CD226: variants seen among roughly 807,000 people sequenced by gnomAD.
The protein encoded by CD226 is CD226 molecule, also known as CD226 antigen.
Under a neutral mutation model 34.9 loss-of-function variants are expected in CD226, and 24 were observed. That is an observed-to-expected ratio of 0.69 (90% confidence interval 0.50 to 0.97). The LOEUF (loss-of-function observed/expected upper bound fraction) is 0.97, where lower values mean the gene tolerates loss of function less well. Among genes scored for constraint, CD226 ranks in the 50% least tolerant of loss-of-function variants. CD226 has a pLI of 0.00. For missense variants in CD226, 397 were observed against 412.7 expected, an observed-to-expected ratio of 0.96 and a Z score of 0.33; for synonymous variants, 148 against 147.4, an observed-to-expected ratio of 1.00 and a Z score of -0.03.
At chr18:69,879,156 G>T (rs1256807320) in intron 3 of CD226, among the ~76,000 whole-genome samples, 1 of 152,100 alleles carries the variant, frequency 6.6e-6, no homozygotes, top group African/African-American at 2.4e-5. Flanking sequence ...CACAGGATGG[G>T]GTGAAATTAA....
chr18:69,856,194 T>C lies in CD226; in HGVS notation c.*8120A>G, dbSNP rs1463973868. 5 of 152,078 alleles carry C rather than the reference T, an allele frequency of 3.3e-5. No homozygotes were observed. Among genetic ancestry groups the C allele is most frequent in the Admixed American group, 6.5e-5 (1 of 15,268 alleles). The allele number at this position is 152,078 out of a possible 1,614,324, so 9.4% of individuals were successfully genotyped here. A position where few individuals can be genotyped will look rare whatever the true frequency, so the allele number is the denominator to read the frequency against. On this transcript the variant is annotated 3_prime_UTR_variant, in exon 6 of 6. Transcript: ENST00000582621. ...AAAGCAGACAGAACAAGAAAGATTA[T>C]CAAGAATAAAAGGGACATTACATGT...
intron 2 of CD226, among the ~76,000 whole-genome samples, chr18:69,916,294 C>CA (rs1169831446): frequency 6.6e-6 from 1 of 152,092 alleles, no homozygotes; most frequent in Non-Finnish European, 1.5e-5. Flanking sequence ...AGTAACAAGA[C>CA]AAAACCAATT....
chr18:69,936,429 T>C (rs1489438457), intron 2 of CD226, among the ~76,000 whole-genome samples: 1 of 152,202 alleles, frequency 6.6e-6, no homozygotes, highest in Admixed American at 6.5e-5. Context: ...GCAGTGACCA[T>C]AACCTTGCTT....
At chr18:69,869,475 C>T (rs143039121) in intron 4 of CD226, among the ~76,000 whole-genome samples, 54 of 152,082 alleles carry the variant, frequency 3.6e-4, no homozygotes, top group African/African-American at 9.4e-4. Context: ...GACACATAGA[C>T]GGGAACAACA....
At chr18:69,872,679 A>G (rs1983608565) in intron 4 of CD226, among the ~76,000 whole-genome samples, 1 of 152,196 alleles carries the variant, frequency 6.6e-6, no homozygotes, top group South Asian at 2.1e-4. Flanking sequence ...ATATACAACT[A>G]TTTGAAATTA....
intron 2 of CD226, among the ~76,000 whole-genome samples, chr18:69,906,210 T>A (rs2055250777): frequency 6.6e-6 from 1 of 152,120 alleles, no homozygotes; most frequent in Admixed American, 6.5e-5. Context: ...CTGCACACCC[T>A]CACAATGTAC....
rs1982717701 is a variant in CD226, at chr18:69,859,631, T to C, written c.*4683A>G. 1 of 151,094 alleles carries C rather than the reference T, an allele frequency of 6.6e-6. No individual in the cohort carries two copies. 9.4% of individuals were successfully genotyped at this position (151,094 alleles called of 1,614,324 possible). A position where few individuals can be genotyped will look rare whatever the true frequency, so the allele number is the denominator to read the frequency against. On this transcript the variant is annotated 3_prime_UTR_variant, in exon 6 of 6. Coordinates refer to ENST00000582621, the MANE Select transcript of CD226 (RefSeq NM_001303618.2). ...TTCAGAAAAGTGAACATAAATAAAA[T>C]AATGAGTTAGAAGTAGTAAAATTTG...
intron 2 of CD226, among the ~76,000 whole-genome samples, chr18:69,945,982 G>T (rs114918928): frequency 2.0e-5 from 3 of 151,668 alleles, no homozygotes; most frequent in African/African-American, 7.3e-5. Context: ...AGACTTGCCC[G>T]CACGATTCAA....
At chr18:69,896,336 C>T (rs1321809581) in intron 2 of CD226, among the ~76,000 whole-genome samples, 3 of 152,028 alleles carry the variant, frequency 2.0e-5, no homozygotes, top group Non-Finnish European at 2.9e-5. Context: ...CGCCCGCCAC[C>T]GCGCCCGGCT....
intron 2 of CD226, among the ~76,000 whole-genome samples, chr18:69,897,707 G>A (rs1210055104): frequency 6.6e-6 from 1 of 152,082 alleles, no homozygotes; most frequent in Non-Finnish European, 1.5e-5. Context: ...AAAAAGGAAG[G>A]AAAGGAGACA....
chr18:69,866,410 T>C (rs1340586541), intron 5 of CD226, among the ~76,000 whole-genome samples: 1 of 152,148 alleles, frequency 6.6e-6, no homozygotes, highest in African/African-American at 2.4e-5. Context: ...TTCTAGTCTT[T>C]TAGTTAAACA....
At chr18:69,923,172 AAG>A (rs970217206) in intron 2 of CD226, among the ~76,000 whole-genome samples, 3 of 151,018 alleles carry the variant, frequency 2.0e-5, no homozygotes, top group East Asian at 3.9e-4. Context: ...GAAAGAGAAA[AAG>A]AGAGAAAGAA....
intron 2 of CD226, among the ~76,000 whole-genome samples, chr18:69,934,298 ACACACACACACACG>A (rs927678466): frequency 1.3e-5 from 2 of 151,886 alleles, no homozygotes; most frequent in African/African-American, 4.9e-5. Context: ...ACACACACAC[ACACACACACACACG>A]CACGCACACC....
In CD226 at chr18:69,855,029, T is replaced by C. The variant is rs1013902643; in HGVS notation, c.*9285A>G. ...ATAACAGACTTTAAACACAGTCTAA[T>C]AGTTAGTCAGATTAAGATAAGTCTG... On this transcript the variant is annotated 3_prime_UTR_variant, in exon 6 of 6. Transcript: ENST00000582621. The C allele has an allele frequency of 3.3e-5, 5 of 152,200 alleles. No individual in the cohort carries two copies. Among genetic ancestry groups the C allele is most frequent in the African/African-American group, 4.8e-5 (2 of 41,448 alleles). The allele number at this position is 152,200 out of a possible 1,614,324, so 9.4% of individuals were successfully genotyped here.
chr18:69,900,632 T>C (rs558123756), intron 2 of CD226, among the ~76,000 whole-genome samples: 1,862 of 148,230 alleles, frequency 0.013, 40 homozygotes, highest in African/African-American at 0.042. Flanking sequence ...CTCGGGAGGC[T>C]GAGGCAGGAG....
chr18:69,959,975 G>A (rs1302489160), upstream of CD226, among the ~76,000 whole-genome samples: 2 of 152,140 alleles, frequency 1.3e-5, no homozygotes, highest in Non-Finnish European at 2.9e-5. Context: ...GGCTGGGCAC[G>A]GTGGTTCACA....
chr18:69,896,312 G>C (rs1416303729), intron 2 of CD226: 1 of 250,464 alleles, frequency 4.0e-6, no homozygotes, highest in South Asian at 1.5e-4. Context: ...CTCCTGAGTA[G>C]CTGGGACTAT....
chr18:69,933,447 A>G (rs1874046673), intron 2 of CD226, among the ~76,000 whole-genome samples: 2 of 152,082 alleles, frequency 1.3e-5, no homozygotes. Context: ...CATTCATCCA[A>G]ATTACACCTA....
intron 1 of CD226, 52 bp downstream of exon 1, chr18:69,947,308 CA>C (rs2055805878): frequency 8.0e-7 from 1 of 1,246,796 alleles, no homozygotes; most frequent in South Asian, 1.3e-5. Flanking sequence ...CCACACTGTA[CA>C]AACAAAAACA....
Sources: gnomAD v4.1 joint callset for allele counts (sites outside exome capture counted in the v4.1 genomes callset) on GRCh38, gnomAD v4.1.1 for gene constraint, MANE v1.5 for transcripts, NCBI Gene and HGNC (gene_info 2026-07-23, HGNC 2026-07-21) for gene names.